The following HDAC4 variants were observed in gnomAD, a reference collection of about 807,000 sequenced individuals.
The protein encoded by HDAC4 is histone deacetylase 4.
In HDAC4, 16 loss-of-function variants were observed where a neutral mutation model predicts 135.1. The observed-to-expected ratio is 0.12, with a 90% CI of 0.08 to 0.18. HDAC4 has a LOEUF of 0.18. Ranked by LOEUF, HDAC4 falls within the 10% of genes least tolerant of loss-of-function variation. The pLI is 1.00. For missense variants in HDAC4, 1,143 were observed against 1,511.8 expected (o/e 0.76, Z 4.05); for synonymous variants, 685 against 653.4 (o/e 1.05, Z -0.74).
At position 239,400,818 on chromosome 2, in the gene HDAC4, G is replaced by A. The variant is rs1440644936; in HGVS notation, c.-220+160C>T. ...GCGGCGACAGCCGGGACGCGGCCAC[G>A]GCGCCGCCGGGGGCCCAGGCTGGGA... On this transcript the variant is annotated intron_variant, in intron 1 of 26. Transcript: ENST00000543185. This position sits in a 1 kb window ranked among gnomAD's most constrained non-coding sequence, Gnocchi z 4.7. 3 of 146,180 alleles carry A rather than the reference G, an allele frequency of 2.1e-5. No homozygotes were observed. Among genetic ancestry groups the A allele is most frequent in the Non-Finnish European group, 4.6e-5 (3 of 65,482 alleles). 9.1% of individuals were successfully genotyped at this position (146,180 alleles called of 1,614,324 possible).
chr2:239,352,803 C>G lies in HDAC4; in HGVS notation c.-104G>C. On this transcript the variant is annotated 5_prime_UTR_variant, in exon 2 of 27. Transcript: ENST00000543185. The surrounding 1 kb of genome is among the most constrained non-coding windows in gnomAD (Gnocchi z 4.4). ...AACTCCCACCAACACATACAAGTAC[C>G]GGGACGGTGAGGGCTGGGTCACAGA... 2 of 1,166,858 alleles carry G rather than the reference C, an allele frequency of 1.7e-6. No individual in the cohort carries two copies. Among genetic ancestry groups the G allele is most frequent in the Non-Finnish European group, 2.5e-6 (2 of 797,676 alleles). The allele number at this position is 1,166,858 out of a possible 1,614,324, so 72.3% of individuals were successfully genotyped here.
chr2:239,352,870 G>A lies in HDAC4; in HGVS notation c.-171C>T. ...CTCGCCGGCAAGGTCTCATGAGCCAGGTAACCCACAAGTTGAACAGAGGCG... is the reference window on the plus strand; with the variant it reads ...CTCGCCGGCAAGGTCTCATGAGCCAAGTAACCCACAAGTTGAACAGAGGCG... On this transcript the variant is annotated 5_prime_UTR_variant, in exon 2 of 27. Coordinates refer to ENST00000543185, the MANE Select transcript of HDAC4 (RefSeq NM_001378414.1). The surrounding 1 kb of genome is among the most constrained non-coding windows in gnomAD (Gnocchi z 4.4). 1.4e-6 allele frequency: 1 copy of A among 702,772 alleles called. No individual in the cohort carries two copies. Among genetic ancestry groups the A allele is most frequent in the Non-Finnish European group, 2.5e-6 (1 of 394,764 alleles). The allele number at this position is 702,772 out of a possible 1,614,324, so 43.5% of individuals were successfully genotyped here.
chr2:239,249,862 A>G (rs2048685112), intron 2 of HDAC4, among the ~76,000 whole-genome samples: 1 of 151,754 alleles, frequency 6.6e-6, no homozygotes, highest in African/African-American at 2.4e-5. Flanking sequence ...TGCACAAAAT[A>G]TACATAAGCA....
rs900328182 is a variant in HDAC4, at chr2:239,331,196, C to T, written c.22+21482G>A. Reference sequence around the variant, plus strand: ...CAGCACTGTCGTGACATTGATGGCACGAAACTCAACGTCCTGCACATGATT... The same window carrying T: ...CAGCACTGTCGTGACATTGATGGCATGAAACTCAACGTCCTGCACATGATT... On this transcript the variant is annotated intron_variant, in intron 2 of 26. Transcript: ENST00000543185. The surrounding 1 kb of genome is among the most constrained non-coding windows in gnomAD (Gnocchi z 4.5). Among the ~76,000 whole-genome samples, 16 of 151,956 alleles carry T rather than the reference C, an allele frequency of 1.1e-4. No individual in the cohort carries two copies. Among genetic ancestry groups the T allele is most frequent in the African/African-American group, 3.4e-4 (14 of 41,338 alleles).
chr2:239,263,186 C>T (rs62182099), intron 2 of HDAC4, among the ~76,000 whole-genome samples: 6,801 of 152,182 alleles, frequency 0.045, 209 homozygotes, highest in Non-Finnish European at 0.068. Context: ...TAGCCTCTGC[C>T]CCAGAGGTCA....
intron 1 of HDAC4, among the ~76,000 whole-genome samples, chr2:239,358,154 C>T (rs1693632375): frequency 6.6e-6 from 1 of 152,162 alleles, no homozygotes; most frequent in African/African-American, 2.4e-5. Flanking sequence ...CTAGTGGTGA[C>T]ATCCAAATCA....
intron 16 of HDAC4, among the ~76,000 whole-genome samples, chr2:239,096,712 C>T (rs1315034678): frequency 1.0e-4 from 11 of 105,562 alleles, no homozygotes; most frequent in Admixed American, 2.0e-4. Context: ...CCCCACCCCA[C>T]GGACACCAGC....
chr2:239,105,580 C>T (rs1357668255), intron 15 of HDAC4, among the ~76,000 whole-genome samples: 1 of 152,138 alleles, frequency 6.6e-6, no homozygotes, highest in African/African-American at 2.4e-5. Context: ...CCACTCTCAT[C>T]CTTCCTCACC....
In HDAC4 at chr2:239,126,701, A is replaced by G; in HGVS notation, c.1295-7T>C. ...AGGCCTGAAAGATACCAGTCTGAAG[A>G]TAATTGGAGGAAGAAACAGCAGAGG... is the stretch of plus-strand genomic sequence containing the variant. On this transcript the variant is annotated splice_region_variant and splice_polypyrimidine_tract_variant and intron_variant, in intron 11 of 26. Transcript: ENST00000543185. 1 of 1,613,112 alleles carries G rather than the reference A, an allele frequency of 6.2e-7. No homozygotes were observed. The highest frequency in any genetic ancestry group is 8.5e-7 in the Non-Finnish European group (1 of 1,179,794).
chr2:239,289,856 A>G (rs937884859), intron 2 of HDAC4, among the ~76,000 whole-genome samples: 1 of 152,194 alleles, frequency 6.6e-6, no homozygotes, highest in Admixed American at 6.5e-5. Context: ...AAATCTGCAT[A>G]AACCCTCACT....
At chr2:239,161,849 G>A (rs1046105237) in intron 6 of HDAC4, 23 of 378,368 alleles carry the variant, frequency 6.1e-5, no homozygotes, top group Admixed American at 1.8e-4. Context: ...CCCATCTCCC[G>A]TCTCTCAGCA....
intron 2 of HDAC4, chr2:239,298,203 G>A: frequency 7.8e-7 from 1 of 1,289,370 alleles, no homozygotes; most frequent in Non-Finnish European, 1.0e-6. Flanking sequence ...GAACAGCAGA[G>A]GCCCGTCTCG....
chr2:239,090,959 T>C (rs543926573), intron 17 of HDAC4, among the ~76,000 whole-genome samples: 8 of 152,366 alleles, frequency 5.3e-5, no homozygotes, highest in African/African-American at 1.7e-4. Flanking sequence ...TTGACCAGCG[T>C]AGCTAAGCGG....
chr2:239,123,530 C>G (rs2039877623), intron 12 of HDAC4, among the ~76,000 whole-genome samples: 1 of 152,258 alleles, frequency 6.6e-6, no homozygotes, highest in Non-Finnish European at 1.5e-5. Context: ...CTCCTCAATC[C>G]TGAGCCTGCA....
chr2:239,174,745 G>C (rs1486372944), intron 5 of HDAC4, among the ~76,000 whole-genome samples: 1 of 152,178 alleles, frequency 6.6e-6, no homozygotes, highest in African/African-American at 2.4e-5. Flanking sequence ...AACAACTTTA[G>C]AAGAAATGAC....
chr2:239,082,320 GGC>G (rs1238930570), intron 20 of HDAC4, 99 bp from the exon 21 acceptor site: 2 of 1,469,456 alleles, frequency 1.4e-6, no homozygotes, highest in African/African-American at 1.4e-5. Context: ...TAGTGACAAC[GGC>G]TCCTGCTCAG....
At chr2:239,085,807 C>G (rs1287298827) in intron 19 of HDAC4, 6 of 148,640 alleles carry the variant, frequency 4.0e-5, no homozygotes, top group Non-Finnish European at 9.0e-5. Context: ...CTCTAACACG[C>G]GGATCTGACT....
intron 1 of HDAC4, among the ~76,000 whole-genome samples, chr2:239,397,849 C>T (rs1049069632): frequency 5.3e-5 from 8 of 152,108 alleles, no homozygotes; most frequent in African/African-American, 1.9e-4. Context: ...CCAGAAGGTG[C>T]AGTACCCGCC....
chr2:239,129,466 T>C (rs1244124703), intron 11 of HDAC4, among the ~76,000 whole-genome samples: 1 of 152,206 alleles, frequency 6.6e-6, no homozygotes, highest in Non-Finnish European at 1.5e-5. Flanking sequence ...GGGCAGAGCC[T>C]GGCTCCTGTG....
Sources: gnomAD v4.1 joint callset for allele counts (sites outside exome capture counted in the v4.1 genomes callset) on GRCh38, gnomAD v4.1.1 for gene constraint, Gnocchi (gnomAD v3.1) non-coding constraint, MANE v1.5 for transcripts, NCBI Gene and HGNC (gene_info 2026-07-23, HGNC 2026-07-21) for gene names.